Variants in DLC1 observed in about 807,000 individuals in gnomAD.
DLC1 encodes DLC1 Rho GTPase activating protein, also known as rho GTPase-activating protein 7.
In DLC1, 54 loss-of-function variants were observed where a neutral mutation model predicts 140.3. The ratio of observed to expected loss-of-function variants is 0.38; its 90% CI spans 0.31 to 0.48. The LOEUF (loss-of-function observed/expected upper bound fraction) is 0.48, where lower values mean the gene tolerates loss of function less well. Ranked by LOEUF, DLC1 falls within the 20% of genes least tolerant of loss-of-function variation. DLC1 has a pLI of 0.96. For missense variants in DLC1, 2,536 were observed against 1,907.0 expected (o/e 1.33, Z -6.14); for synonymous variants, 986 against 728.1 (o/e 1.35, Z -5.70).
chr8:13,417,479 C>G (rs984143914), intron 2 of DLC1, among the ~76,000 whole-genome samples: 1 of 151,038 alleles, frequency 6.6e-6, no homozygotes, highest in Non-Finnish European at 1.5e-5. Flanking sequence ...TTTGTCCTTG[C>G]TATAGTTTAC....
Position 13,457,175 on chromosome 8 carries a change from G to A in DLC1, c.1023+41874C>T, listed in dbSNP as rs17093574. Among the ~76,000 whole-genome samples the A allele has an allele frequency of 6.3e-3, 952 of 152,146 alleles. 41 individuals carry two copies. In the East Asian group the frequency reaches 0.097, roughly 16 times the overall value. On this transcript the variant is annotated intron_variant, in intron 2 of 17. Coordinates refer to ENST00000276297, the MANE Select transcript of DLC1 (RefSeq NM_182643.3). ...CTTTCCCTAAATCTAGCCCTATACC[G>A]TGCTCACAATGAGTGTTTGACAAAT...
At chr8:13,577,721 T>A (rs1804894116) in intron 1 of DLC1, among the ~76,000 whole-genome samples, 1 of 152,232 alleles carries the variant, frequency 6.6e-6, no homozygotes, top group South Asian at 2.1e-4. Flanking sequence ...TTTTGTTTCC[T>A]CCTTGGTATC....
At chr8:13,568,680 A>G (rs1289184097) in intron 1 of DLC1, among the ~76,000 whole-genome samples, 1 of 152,216 alleles carries the variant, frequency 6.6e-6, no homozygotes, top group Non-Finnish European at 1.5e-5. Flanking sequence ...AAGATTGTGA[A>G]AAAAGTTATC....
intron 1 of DLC1, among the ~76,000 whole-genome samples, chr8:13,597,111 A>G (rs73212182): frequency 0.025 from 3,788 of 152,104 alleles, 88 homozygotes; most frequent in South Asian, 0.061. Context: ...TTGACTGGCC[A>G]TATATTTAAT....
chr8:13,369,355 GA>G (rs1333516845), intron 4 of DLC1, among the ~76,000 whole-genome samples: 10,801 of 135,932 alleles, frequency 0.079, 461 homozygotes, highest in South Asian at 0.12. Context: ...TGGCTGGGTC[GA>G]AAAAAAAAAA....
intron 2 of DLC1, among the ~76,000 whole-genome samples, chr8:13,459,261 C>T (rs573359611): frequency 6.6e-6 from 1 of 152,292 alleles, no homozygotes; most frequent in African/African-American, 2.4e-5. Flanking sequence ...CCCTCCCCCT[C>T]TTTCATTCTG....
intron 5 of DLC1, among the ~76,000 whole-genome samples, chr8:13,247,329 T>G (rs1829807209): frequency 6.6e-6 from 1 of 152,170 alleles, no homozygotes; most frequent in Admixed American, 6.5e-5. Flanking sequence ...AGCCAACACT[T>G]TGCAAAGCAG....
At chr8:13,316,613 T>A (rs1169721299) in intron 4 of DLC1, among the ~76,000 whole-genome samples, 4 of 152,056 alleles carry the variant, frequency 2.6e-5, no homozygotes, top group Non-Finnish European at 4.4e-5. Context: ...GAGAGTGAGG[T>A]TGGATTATCT....
chr8:13,457,459 A>C (rs983018786), intron 2 of DLC1, among the ~76,000 whole-genome samples: 2 of 152,008 alleles, frequency 1.3e-5, no homozygotes, highest in Non-Finnish European at 2.9e-5. Context: ...CAGGCAGATC[A>C]TGAGGTCAAG....
At position 13,098,547 on chromosome 8, in the gene DLC1, T is replaced by G; in HGVS notation, c.3019A>C (p.Ser1007Arg). 6.2e-7 allele frequency: 1 copy of G among 1,614,158 alleles called. No homozygotes were observed. The highest frequency in any genetic ancestry group is 8.5e-7 in the Non-Finnish European group (1 of 1,180,006). Reference sequence around the variant, plus strand: ...GAGTTGAGGCTTGGCCGATGTGAGCTCTGGAAACTGTGCCATCTCAGTCGG... The same window carrying G: ...GAGTTGAGGCTTGGCCGATGTGAGCGCTGGAAACTGTGCCATCTCAGTCGG... ...RHRLRWHSFQ[S>R]SHRPSLNSVS... is the part of the protein sequence containing the mutation. Residue 1007 changes from serine (S) to arginine (R), a missense_variant, in exon 10 of 18, where the codon AGC becomes CGC. By Grantham distance (110) the Ser-to-Arg change is moderately radical (BLOSUM62 -1). Coordinates refer to ENST00000276297, the MANE Select transcript of DLC1 (RefSeq NM_182643.3).
intron 5 of DLC1, among the ~76,000 whole-genome samples, chr8:13,122,978 C>T (rs900873708): frequency 1.6e-4 from 24 of 152,164 alleles, no homozygotes; most frequent in African/African-American, 5.8e-4. Context: ...ATTTATTGAT[C>T]CAACTAGGCG....
intron 1 of DLC1, among the ~76,000 whole-genome samples, chr8:13,553,536 G>A (rs1803937154): frequency 6.6e-6 from 1 of 151,554 alleles, no homozygotes; most frequent in Non-Finnish European, 1.5e-5. Flanking sequence ...TAAACTTGTG[G>A]AGACAGAGTC....
intron 5 of DLC1, among the ~76,000 whole-genome samples, chr8:13,185,748 T>G (rs1826333729): frequency 6.6e-6 from 1 of 152,214 alleles, no homozygotes; most frequent in African/African-American, 2.4e-5. Context: ...ACATTGATGG[T>G]CTTTACAATT....
At chr8:13,415,034 G>A (rs1375416533) in intron 2 of DLC1, among the ~76,000 whole-genome samples, 2 of 152,018 alleles carry the variant, frequency 1.3e-5, no homozygotes, top group South Asian at 2.1e-4. Context: ...GGCTGGTCTC[G>A]AACTCCTGAC....
At chr8:13,424,482 C>A (rs1267000107) in intron 2 of DLC1, among the ~76,000 whole-genome samples, 1 of 152,096 alleles carries the variant, frequency 6.6e-6, no homozygotes, top group Admixed American at 6.6e-5. Flanking sequence ...GAGAGAGACT[C>A]TGTCTCAAAA....
chr8:13,210,386 C>T (rs961455466), intron 5 of DLC1, among the ~76,000 whole-genome samples: 4 of 152,064 alleles, frequency 2.6e-5, no homozygotes, highest in African/African-American at 9.7e-5. Flanking sequence ...TCATTGTCAA[C>T]AAACTTTTAC....
chr8:13,592,953 C>T (rs1254658521), intron 1 of DLC1, among the ~76,000 whole-genome samples: 3 of 152,008 alleles, frequency 2.0e-5, no homozygotes, highest in Middle Eastern at 3.2e-3. Context: ...CCCTTATGTC[C>T]CTCTTTCCTT....
At chr8:13,120,342 C>CAAAAAAAAAAAA (rs1554577908) in intron 5 of DLC1, among the ~76,000 whole-genome samples, 2 of 58,804 alleles carry the variant, frequency 3.4e-5, no homozygotes, top group African/African-American at 5.1e-5. Flanking sequence ...GACTCCGTCG[C>CAAAAAAAAAAAA]AAAAAAAAAA....
chr8:13,210,403 C>T (rs1158652337), intron 5 of DLC1, among the ~76,000 whole-genome samples: 2 of 152,052 alleles, frequency 1.3e-5, no homozygotes, highest in African/African-American at 4.8e-5. Flanking sequence ...TTACTGGAGG[C>T]ATTGTCATTG....
Sources: allele counts gnomAD v4.1 joint callset (sites outside exome capture counted in the v4.1 genomes callset), GRCh38; gene constraint gnomAD v4.1.1; transcripts MANE v1.5; gene names NCBI Gene and HGNC (gene_info 2026-07-23, HGNC 2026-07-21).